FHOD3: variants seen among roughly 807,000 people sequenced by gnomAD.
The protein encoded by FHOD3 is formin homology 2 domain containing 3, also known as FH1/FH2 domain-containing protein 3.
Under a neutral mutation model 173.0 loss-of-function variants are expected in FHOD3, and 90 were observed. The ratio of observed to expected loss-of-function variants is 0.52; its 90% CI spans 0.44 to 0.62. FHOD3 has a LOEUF of 0.62. Ranked by LOEUF, FHOD3 falls within the 20% of genes least tolerant of loss-of-function variation. The pLI is 0.00. For missense variants in FHOD3, 1,945 were observed against 2,034.7 expected (o/e 0.96, Z 0.85); for synonymous variants, 828 against 823.0 (o/e 1.01, Z -0.10).
chr18:36,650,366 C>T (rs1027557652), intron 11 of FHOD3, among the ~76,000 whole-genome samples: 1 of 152,120 alleles, frequency 6.6e-6, no homozygotes, highest in African/African-American at 2.4e-5. Context: ...TCATTTGACA[C>T]ACAGACTCCT....
chr18:36,538,822 G>T (rs1258653062), intron 5 of FHOD3, among the ~76,000 whole-genome samples: 1 of 152,188 alleles, frequency 6.6e-6, no homozygotes, highest in African/African-American at 2.4e-5. Context: ...AGTGTTCTTT[G>T]TGGCGATGGA....
At position 36,772,580 on chromosome 18, in the gene FHOD3, T is replaced by C. The variant is rs115831464; in HGVS notation, c.4786+3154T>C. On this transcript the variant is annotated intron_variant, in intron 28 of 28. Coordinates refer to ENST00000590592, the MANE Select transcript of FHOD3 (RefSeq NM_001281740.3). ...GCCTGCAAGGCAAGCCACTCGAGGATCAGAGATAATTAAATGTCTGCTTTC... is the reference window on the plus strand; with the variant it reads ...GCCTGCAAGGCAAGCCACTCGAGGACCAGAGATAATTAAATGTCTGCTTTC... 4.6e-3 allele frequency among the ~76,000 whole-genome samples: 706 copies of C among 152,346 alleles called. 7 individuals are homozygous for C. The highest frequency in any genetic ancestry group is 0.016 in the African/African-American group (668 of 41,572).
At chr18:36,316,095 C>A (rs2044105642) in intron 1 of FHOD3, among the ~76,000 whole-genome samples, 1 of 151,298 alleles carries the variant, frequency 6.6e-6, no homozygotes, top group South Asian at 2.1e-4. Flanking sequence ...TTTTCTTCCC[C>A]CACTTTCTCG....
At chr18:36,693,510 GCTAATA>G (rs1373199380) in intron 17 of FHOD3, 87 bp downstream of exon 17, 1 of 1,219,762 alleles carries the variant, frequency 8.2e-7, no homozygotes, top group Non-Finnish European at 1.2e-6. Context: ...CAACCTGCAG[GCTAATA>G]CTGAGACAGC....
chr18:36,660,726 G>A (rs1335267028), intron 14 of FHOD3, among the ~76,000 whole-genome samples: 1 of 152,206 alleles, frequency 6.6e-6, no homozygotes, highest in African/African-American at 2.4e-5. Context: ...GACATCCAGG[G>A]AGATGTTCCA....
chr18:36,329,579 G>T (rs918082229), intron 1 of FHOD3, among the ~76,000 whole-genome samples: 1 of 152,146 alleles, frequency 6.6e-6, no homozygotes, highest in African/African-American at 2.4e-5. Flanking sequence ...CTCAGTCTGG[G>T]GGCTGCAGTG....
chr18:36,438,127 C>T (rs930836726), intron 3 of FHOD3, among the ~76,000 whole-genome samples: 4 of 152,166 alleles, frequency 2.6e-5, no homozygotes, highest in African/African-American at 9.7e-5. Flanking sequence ...AATTGCTCCA[C>T]AGAGAAAACT....
chr18:36,578,265 G>A (rs943743574), intron 6 of FHOD3, among the ~76,000 whole-genome samples: 7 of 152,292 alleles, frequency 4.6e-5, no homozygotes, highest in African/African-American at 7.2e-5. Context: ...GGCGGAAGGC[G>A]GAGGAGGAGC....
chr18:36,763,234 A>G (rs2042979471), intron 27 of FHOD3, among the ~76,000 whole-genome samples: 2 of 146,450 alleles, frequency 1.4e-5, no homozygotes, highest in African/African-American at 5.0e-5. Context: ...TATATACAAT[A>G]TGCGTATTAT....
chr18:36,391,244 C>T (rs1315773074), intron 3 of FHOD3, among the ~76,000 whole-genome samples: 1 of 152,114 alleles, frequency 6.6e-6, no homozygotes, highest in East Asian at 1.9e-4. Flanking sequence ...CATAGGGGCA[C>T]CTAGTGTCTG....
intron 3 of FHOD3, among the ~76,000 whole-genome samples, chr18:36,491,079 G>A (rs953105361): frequency 3.3e-5 from 5 of 152,182 alleles, no homozygotes; most frequent in African/African-American, 1.2e-4. Flanking sequence ...GGTGTGGGGA[G>A]ATCACAGAAG....
intron 5 of FHOD3, among the ~76,000 whole-genome samples, chr18:36,522,966 G>A (rs186219765): frequency 5.6e-4 from 86 of 152,256 alleles, no homozygotes; most frequent in Non-Finnish European, 9.6e-4. Context: ...TCTTTACCCT[G>A]CCTCTTCTAT....
chr18:36,475,788 A>G (rs894160925), intron 3 of FHOD3, among the ~76,000 whole-genome samples: 1 of 149,004 alleles, frequency 6.7e-6, no homozygotes, highest in Non-Finnish European at 1.5e-5. Context: ...ACACACACAC[A>G]CACACACGCA....
At chr18:36,548,441 A>G (rs113182847) in intron 5 of FHOD3, among the ~76,000 whole-genome samples, 2,809 of 152,310 alleles carry the variant, frequency 0.018, 48 homozygotes, top group Middle Eastern at 0.031. Flanking sequence ...ATAATTGACA[A>G]TAATAATCTG....
At chr18:36,482,650 C>T (rs1335079104) in intron 3 of FHOD3, among the ~76,000 whole-genome samples, 2 of 152,172 alleles carry the variant, frequency 1.3e-5, no homozygotes, top group Non-Finnish European at 2.9e-5. Context: ...AAAGCAGAGT[C>T]ACCAGGACTT....
At chr18:36,453,387 A>G (rs767368490) in intron 3 of FHOD3, among the ~76,000 whole-genome samples, 8 of 152,244 alleles carry the variant, frequency 5.3e-5, no homozygotes, top group Non-Finnish European at 1.2e-4. Flanking sequence ...ACACACAGCT[A>G]GTTAGAAAGT....
chr18:36,527,317 A>G (rs2056568292), intron 5 of FHOD3, among the ~76,000 whole-genome samples: 1 of 152,208 alleles, frequency 6.6e-6, no homozygotes, highest in Admixed American at 6.5e-5. Context: ...GAGAAGAAGC[A>G]TAATTTCTCT....
intron 19 of FHOD3, among the ~76,000 whole-genome samples, chr18:36,728,116 G>A (rs2041171340): frequency 6.6e-6 from 1 of 152,126 alleles, no homozygotes; most frequent in African/African-American, 2.4e-5. Context: ...CAAGTCATGG[G>A]GCCAGCTTCA....
chr18:36,516,531 T>TA (rs1359471161), intron 5 of FHOD3, among the ~76,000 whole-genome samples: 2 of 152,232 alleles, frequency 1.3e-5, no homozygotes, highest in South Asian at 2.1e-4. Flanking sequence ...GGTTGGGGTG[T>TA]AGACTTAATG....
Sources: gnomAD v4.1 joint callset for allele counts (sites outside exome capture counted in the v4.1 genomes callset) on GRCh38, gnomAD v4.1.1 for gene constraint, MANE v1.5 for transcripts, NCBI Gene and HGNC (gene_info 2026-07-23, HGNC 2026-07-21) for gene names.